The following ZNF451 variants were observed in gnomAD, a reference collection of about 807,000 sequenced individuals.
The protein encoded by ZNF451 is E3 SUMO-protein ligase ZNF451.
In ZNF451, 80 loss-of-function variants were observed where a neutral mutation model predicts 107.1. The observed-to-expected ratio is 0.75, with a 90% CI of 0.62 to 0.90. The LOEUF is 0.90. ZNF451 is among the 40% of genes least tolerant of loss of function. The probability of loss-of-function intolerance (pLI) is 0.00; values close to 1 mark genes in which losing one functional copy is unlikely to be tolerated. For missense variants in ZNF451, 1,107 were observed against 1,236.2 expected (o/e 0.90, Z 1.57); for synonymous variants, 362 against 406.5 (o/e 0.89, Z 1.32).
chr6:57,156,472 A>G (rs1562628452), intron 13 of ZNF451, among the ~76,000 whole-genome samples: 1 of 152,218 alleles, frequency 6.6e-6, no homozygotes. Flanking sequence ...AGAATGCCAG[A>G]TAACTCCTTG....
At position 57,133,150 on chromosome 6, in the gene ZNF451, A is replaced by T; in HGVS notation, c.533A>T (p.Lys178Met). The change falls in exon 6 of 15, where the codon AAG (lysine) becomes ATG (methionine). Residue 178 changes from lysine to methionine, a missense_variant. By Grantham distance (95) the Lys-to-Met change is moderately conservative. Transcript: ENST00000370706. Reference sequence around the variant, plus strand: ...TTATGTCCTATAATGCACTGTAACAAGGAGTTTGACAATGGGCACCTTCTC... The same window carrying T: ...TTATGTCCTATAATGCACTGTAACATGGAGTTTGACAATGGGCACCTTCTC... Reference protein sequence around the residue: ...PILCPIMHCNKEFDNGHLLLG... With the variant: ...PILCPIMHCNMEFDNGHLLLG... 7 of 1,614,170 alleles carry T rather than the reference A, an allele frequency of 4.3e-6. No homozygotes were observed. The highest frequency in any genetic ancestry group is 5.9e-6 in the Non-Finnish European group (7 of 1,179,998).
chr6:57,126,078 A>T lies in ZNF451; in HGVS notation c.312+1219A>T, dbSNP rs551507799. Among the ~76,000 whole-genome samples the T allele has an allele frequency of 2.0e-5, 3 of 152,244 alleles. No individual in the cohort carries two copies. In the South Asian group the frequency reaches 6.2e-4, roughly 32 times the overall value. ...GTCTTAATGGCTACATAGATAATAA[A>T]GTTTTTGTGATGAGCCCAGAATCTT... On this transcript the variant is annotated intron_variant, in intron 4 of 14. Coordinates refer to ENST00000370706, the MANE Select transcript of ZNF451 (RefSeq NM_001031623.3).
At position 57,092,409 on chromosome 6, in the gene ZNF451, A is replaced by G. The variant is rs1682934943; in HGVS notation, c.105+1515A>G. The stretch of plus-strand genomic sequence containing the variant: ...AATGTACAATCATTGAATATCTGAC[A>G]TGATACAACTTCTTACTCTTGTTCC... On this transcript the variant is annotated intron_variant, in intron 2 of 14. Transcript: ENST00000370706. Among the ~76,000 whole-genome samples, 4 of 152,306 alleles carry G rather than the reference A, an allele frequency of 2.6e-5. No individual in the cohort carries two copies. In the South Asian group the frequency reaches 8.3e-4, roughly 32 times the overall value.
intron 14 of ZNF451, among the ~76,000 whole-genome samples, chr6:57,162,673 A>G (rs982228321): frequency 2.0e-5 from 3 of 152,224 alleles, no homozygotes; most frequent in Admixed American, 6.5e-5. Context: ...AGATTTTGCA[A>G]CTTGTATTTG....
intron 2 of ZNF451, among the ~76,000 whole-genome samples, chr6:57,092,307 C>T (rs1176419134): frequency 6.6e-6 from 1 of 152,128 alleles, no homozygotes; most frequent in African/African-American, 2.4e-5. Context: ...GGCTTGAGTT[C>T]ACCTTTGGTT....
At chr6:57,105,910 G>A in intron 3 of ZNF451, 1 of 984,638 alleles carries the variant, frequency 1.0e-6, no homozygotes, top group Non-Finnish European at 1.2e-6. Context: ...TAAACCGTGT[G>A]GCAGCTTCTT....
At chr6:57,153,753 A>G (rs1763262337) in intron 12 of ZNF451, 108 bp from the exon 13 acceptor site, 1 of 1,128,516 alleles carries the variant, frequency 8.9e-7, no homozygotes, top group Non-Finnish European at 1.3e-6. Flanking sequence ...GGACTAGGGA[A>G]CAAGCTTAAT....
intron 12 of ZNF451, among the ~76,000 whole-genome samples, chr6:57,153,400 TTCTC>T (rs1279012198): frequency 1.3e-5 from 2 of 151,316 alleles, no homozygotes; most frequent in Non-Finnish European, 2.9e-5. Context: ...AGTTCTTTCT[TTCTC>T]TCTTTTTTTT....
intron 2 of ZNF451, chr6:57,091,574 A>G (rs957669948): frequency 3.3e-5 from 5 of 153,084 alleles, no homozygotes; most frequent in Admixed American, 6.5e-5. Flanking sequence ...TTCTGAGCAC[A>G]CTTTGTACAG....
chr6:57,140,056 A>G (rs143065450), intron 7 of ZNF451, among the ~76,000 whole-genome samples: 16 of 152,198 alleles, frequency 1.1e-4, no homozygotes, highest in African/African-American at 3.6e-4. Flanking sequence ...AACAAAATAG[A>G]TATTTGAAAA....
intron 2 of ZNF451, among the ~76,000 whole-genome samples, chr6:57,093,803 T>C (rs1260081582): frequency 2.6e-5 from 4 of 152,186 alleles, no homozygotes; most frequent in African/African-American, 9.7e-5. Context: ...TCGTGAAAGA[T>C]TTTTTGTTGT....
intron 5 of ZNF451, among the ~76,000 whole-genome samples, chr6:57,131,445 A>G (rs971259001): frequency 6.6e-6 from 1 of 152,172 alleles, no homozygotes; most frequent in Non-Finnish European, 1.5e-5. Flanking sequence ...AATAGGAAAC[A>G]TCTGGAATGT....
At chr6:57,099,262 C>A in intron 3 of ZNF451, 121 bp downstream of exon 3, 2 of 765,098 alleles carry the variant, frequency 2.6e-6, no homozygotes, top group South Asian at 1.6e-5. Flanking sequence ...TTAGAATGGG[C>A]TAAAATAGGT....
In ZNF451 at chr6:57,169,423, G is replaced by C. The variant is rs1324333448; in HGVS notation, c.*954G>C. ...CTTAAATATTGAGGCCCCATTGTGA[G>C]TAATAAAAAATACGACATAAGTAGA... is the stretch of plus-strand genomic sequence containing the variant. On this transcript the variant is annotated 3_prime_UTR_variant, in exon 15 of 15. Transcript: ENST00000370706. The C allele has an allele frequency of 6.6e-6, 1 of 151,986 alleles. No homozygotes were observed. The highest frequency in any genetic ancestry group is 1.5e-5 in the Non-Finnish European group (1 of 67,982). 9.4% of individuals were successfully genotyped at this position (151,986 alleles called of 1,614,324 possible).
At chr6:57,154,548 ACTTT>A (rs1406890571) in intron 13 of ZNF451, 7 of 158,862 alleles carry the variant, frequency 4.4e-5, no homozygotes, top group Non-Finnish European at 8.2e-5. Context: ...TGGGACTTGC[ACTTT>A]CTTCTGTACC....
In ZNF451 at chr6:57,170,160, G is replaced by A. The variant is rs903606094; in HGVS notation, c.*1691G>A. On this transcript the variant is annotated 3_prime_UTR_variant, in exon 15 of 15. Transcript: ENST00000370706. Reference sequence around the variant, plus strand: ...TTTTAATTGATAATTGTCACTGATCGTATTTCTACTTGTTAAATAATTAAA... The same window carrying A: ...TTTTAATTGATAATTGTCACTGATCATATTTCTACTTGTTAAATAATTAAA... The A allele has an allele frequency of 2.6e-5, 4 of 152,172 alleles. No individual in the cohort carries two copies. Among genetic ancestry groups the A allele is most frequent in the Non-Finnish European group, 5.9e-5 (4 of 68,024 alleles). The allele number at this position is 152,172 out of a possible 1,614,324, so 9.4% of individuals were successfully genotyped here.
In ZNF451 at chr6:57,148,617, G is replaced by GA; in HGVS notation, c.2535dup (p.Gln846ThrfsTer16). The stretch of plus-strand genomic sequence containing the variant: ...GTGCCTCACATACAGAGAGAAAACT[G>GA]AAACAGGCAATAAACTATTCAAAAA... On this transcript the variant is annotated frameshift_variant, in exon 10 of 15. Coordinates refer to ENST00000370706, the MANE Select transcript of ZNF451 (RefSeq NM_001031623.3). LOFTEE classifies it high-confidence loss of function. 6.2e-7 allele frequency: 1 copy of GA among 1,614,000 alleles called. No homozygotes were observed. The highest frequency in any genetic ancestry group is 8.5e-7 in the Non-Finnish European group (1 of 1,179,932).
intron 2 of ZNF451, chr6:57,092,951 G>T (rs541483106): frequency 1.3e-5 from 2 of 152,146 alleles, no homozygotes; most frequent in African/African-American, 4.8e-5. Context: ...CAATTCATAA[G>T]TATACTTGTT....
chr6:57,168,070 T>C (rs780493523), intron 14 of ZNF451, among the ~76,000 whole-genome samples: 38 of 152,344 alleles, frequency 2.5e-4, no homozygotes, highest in Middle Eastern at 3.4e-3. Flanking sequence ...TAAAGTCTTA[T>C]ATGTATCACC....
Sources: allele counts gnomAD v4.1 joint callset (sites outside exome capture counted in the v4.1 genomes callset), GRCh38; gene constraint gnomAD v4.1.1; transcripts MANE v1.5; gene names NCBI Gene and HGNC (gene_info 2026-07-23, HGNC 2026-07-21).